SLC44A5: variants seen among roughly 807,000 people sequenced by gnomAD.
SLC44A5 encodes solute carrier family 44 member 5, also known as choline transporter-like protein 5.
Under a neutral mutation model 101.8 loss-of-function variants are expected in SLC44A5, and 57 were observed. The ratio of observed to expected loss-of-function variants is 0.56; its 90% CI spans 0.45 to 0.70. SLC44A5 has a LOEUF of 0.70. Among genes scored for constraint, SLC44A5 ranks in the 30% least tolerant of loss-of-function variants. SLC44A5 has a pLI of 0.00. For missense variants in SLC44A5, 737 were observed against 853.1 expected (o/e 0.86, Z 1.70); for synonymous variants, 281 against 290.9 (o/e 0.97, Z 0.35).
chr1:75,222,481 A>AG, intron 13 of SLC44A5, 21 bp from the exon 14 acceptor site: 1 of 1,459,364 alleles, frequency 6.9e-7, no homozygotes, highest in South Asian at 1.1e-5. Context: ...GAAAAAAAAA[A>AG]TCAGTCTGTA....
At chr1:75,664,345 C>A in the SLC44A5 span, among the ~76,000 whole-genome samples, 1 of 152,070 alleles carries the variant, frequency 6.6e-6, no homozygotes, top group South Asian at 2.1e-4. Flanking sequence ...TAAAAGGCAT[C>A]TAAATAGGAA....
chr1:75,702,692 C>A, the SLC44A5 span, among the ~76,000 whole-genome samples: 11 of 152,080 alleles, frequency 7.2e-5, no homozygotes, highest in Non-Finnish European at 1.2e-4. Context: ...TTCTGCACAG[C>A]AAAAGAAACT....
chr1:75,339,455 G>T (rs1570716736), intron 4 of SLC44A5, 127 bp downstream of exon 4: 1 of 703,546 alleles, frequency 1.4e-6, no homozygotes, highest in South Asian at 2.2e-5. Context: ...CATTTAGGCA[G>T]AAATATATCA....
At chr1:75,288,395 T>G (rs941099518) in intron 5 of SLC44A5, among the ~76,000 whole-genome samples, 1 of 152,212 alleles carries the variant, frequency 6.6e-6, no homozygotes, top group Non-Finnish European at 1.5e-5. Flanking sequence ...AAAATTCCAG[T>G]CTAGAATATG....
chr1:75,641,982 C>T, the SLC44A5 span: 1 of 1,548,080 alleles, frequency 6.5e-7, no homozygotes, highest in Non-Finnish European at 8.9e-7. Flanking sequence ...GGAGAATCAT[C>T]TTCCTCCTCA....
At chr1:75,431,350 C>A (rs929157601) in intron 2 of SLC44A5, among the ~76,000 whole-genome samples, 2 of 152,108 alleles carry the variant, frequency 1.3e-5, no homozygotes. Flanking sequence ...CTATTCAGAC[C>A]AATGAACTGT....
intron 2 of SLC44A5, among the ~76,000 whole-genome samples, chr1:75,536,612 A>AAAG (rs61201933): frequency 3.3e-5 from 2 of 60,958 alleles, no homozygotes; most frequent in Admixed American, 5.2e-4. Context: ...AAAAAAAAAA[A>AAAG]AAAAGAAAAG....
chr1:75,278,928 ATATAT>A (rs898861334), intron 5 of SLC44A5, among the ~76,000 whole-genome samples: 23 of 152,102 alleles, frequency 1.5e-4, no homozygotes, highest in Admixed American at 5.9e-4. Context: ...ATTGTTATTG[ATATAT>A]TATAGTTGCA....
chr1:75,566,037 A>C (rs1473157180), intron 1 of SLC44A5, among the ~76,000 whole-genome samples: 1 of 152,224 alleles, frequency 6.6e-6, no homozygotes, highest in African/African-American at 2.4e-5. Flanking sequence ...ACTTCAGGCT[A>C]TCTGTTTATA....
intron 1 of SLC44A5, among the ~76,000 whole-genome samples, chr1:75,544,996 A>G (rs1671566403): frequency 6.6e-6 from 1 of 151,968 alleles, no homozygotes; most frequent in Non-Finnish European, 1.5e-5. Flanking sequence ...TCCTAATGCT[A>G]TCCGTCCCCT....
the SLC44A5 span, among the ~76,000 whole-genome samples, chr1:75,629,217 G>A: frequency 6.6e-6 from 1 of 150,764 alleles, no homozygotes; most frequent in African/African-American, 2.4e-5. Context: ...TTTTTTCCCA[G>A]AAGATAAGAG....
At chr1:75,318,342 A>G (rs1395334126) in intron 4 of SLC44A5, among the ~76,000 whole-genome samples, 1 of 151,192 alleles carries the variant, frequency 6.6e-6, no homozygotes, top group Non-Finnish European at 1.5e-5. Flanking sequence ...GTGCCATTGC[A>G]CTCCAGCCTG....
the SLC44A5 span, among the ~76,000 whole-genome samples, chr1:75,626,622 C>G: frequency 6.6e-6 from 1 of 152,102 alleles, no homozygotes; most frequent in Non-Finnish European, 1.5e-5. Flanking sequence ...CTCAGCCTGC[C>G]TTTTCTAGCC....
intron 11 of SLC44A5, 120 bp downstream of exon 11, chr1:75,236,867 G>A: frequency 1.9e-6 from 1 of 533,898 alleles, no homozygotes; most frequent in Non-Finnish European, 3.4e-6. Context: ...AGTGAAATTT[G>A]TTATGCCACC....
intron 1 of SLC44A5, among the ~76,000 whole-genome samples, chr1:75,600,839 C>T (rs1674933500): frequency 6.6e-6 from 1 of 152,094 alleles, no homozygotes; most frequent in African/African-American, 2.4e-5. Flanking sequence ...ATGGCTACAC[C>T]ATCTAGGTTT....
intron 2 of SLC44A5, among the ~76,000 whole-genome samples, chr1:75,412,446 C>T (rs1178417192): frequency 6.6e-6 from 1 of 152,090 alleles, no homozygotes; most frequent in Non-Finnish European, 1.5e-5. Flanking sequence ...CCTCAGAATC[C>T]TTCTCAATAC....
In SLC44A5 at chr1:75,544,635, C is replaced by T. The variant is rs1343190910; in HGVS notation, c.-69-3119G>A. Among the ~76,000 whole-genome samples, 26 of 152,298 alleles carry T rather than the reference C, an allele frequency of 1.7e-4. 1 individual carries two copies. The South Asian group carries it at 5.4e-3, about 32-fold the overall frequency. ...AATAAAGAATGTTCTCATAAATTAA[C>T]ACAGTATATTTATCAAATCCAAGAA... On this transcript the variant is annotated intron_variant, in intron 1 of 23. Transcript: ENST00000370859.
chr1:75,456,720 A>G (rs1666205404), intron 2 of SLC44A5, among the ~76,000 whole-genome samples: 1 of 152,236 alleles, frequency 6.6e-6, no homozygotes, highest in East Asian at 1.9e-4. Flanking sequence ...AAGTAGCATT[A>G]AAATGCCTTT....
chr1:75,647,048 G>C, the SLC44A5 span, among the ~76,000 whole-genome samples: 2 of 152,222 alleles, frequency 1.3e-5, no homozygotes, highest in Non-Finnish European at 2.9e-5. Context: ...GGGCATGTCA[G>C]AGGTCTTCAC....
Sources: allele counts gnomAD v4.1 joint callset (sites outside exome capture counted in the v4.1 genomes callset), GRCh38; gene constraint gnomAD v4.1.1; transcripts MANE v1.5; gene names NCBI Gene and HGNC (gene_info 2026-07-23, HGNC 2026-07-21).